The following PIH1D1 variants were observed in gnomAD, a reference collection of about 807,000 sequenced individuals.
The protein encoded by PIH1D1 is PIH1 domain containing 1.
PIH1D1 carries 28 observed loss-of-function variants against 38.5 expected under a neutral mutation model. That is an observed-to-expected ratio of 0.73 (90% CI 0.54 to 1.00). PIH1D1 has a LOEUF of 1.00. Ranked by LOEUF, PIH1D1 falls within the 50% of genes least tolerant of loss-of-function variation. The pLI is 0.00. For missense variants in PIH1D1, 343 were observed against 369.9 expected, an observed-to-expected ratio of 0.93 and a Z score of 0.60; for synonymous variants, 155 against 153.5, an observed-to-expected ratio of 1.01 and a Z score of -0.07.
rs1376534388 is a variant in PIH1D1, at chr19:49,450,765, C to T, written c.157+17G>A. 4.5e-6 allele frequency: 7 copies of T among 1,553,026 alleles called. No individual in the cohort carries two copies. The highest frequency in any genetic ancestry group is 5.3e-6 in the Non-Finnish European group (6 of 1,142,480). On this transcript the variant is annotated intron_variant, in intron 2 of 8. Coordinates refer to ENST00000262265, the MANE Select transcript of PIH1D1 (RefSeq NM_017916.3). ...CCCTGGGTCTCCTGTCCCTCTCTCT[C>T]CGGTGTCCTTTCTCACCAGGCTGAG...
chr19:49,447,621 T>C (rs1180993431), intron 5 of PIH1D1, 154 bp from the exon 6 acceptor site: 1 of 971,846 alleles, frequency 1.0e-6, no homozygotes, highest in Non-Finnish European at 1.5e-6. Flanking sequence ...CCCACCTTAG[T>C]CACGCCCCTC....
At position 49,446,396 on chromosome 19, in the gene PIH1D1, G is replaced by A; in HGVS notation, c.859C>T (p.Pro287Ser). 1 of 858,732 alleles carries A rather than the reference G, an allele frequency of 1.2e-6. No individual in the cohort carries two copies. The highest frequency in any genetic ancestry group is 1.7e-5 in the Admixed American group (1 of 59,116). The allele number at this position is 858,732 out of a possible 1,614,324, so 53.2% of individuals were successfully genotyped here. The change falls in exon 9 of 9, where the codon CCG (proline) becomes TCG (serine). Residue 287 changes from proline to serine, a missense_variant. Coordinates refer to ENST00000262265, the MANE Select transcript of PIH1D1 (RefSeq NM_017916.3). Reference sequence around the variant, plus strand: ...AGACACCCTGATCAAGAAGGCACCGGCAGAAGCGGCATGGCCACCATTAAT... The same window carrying A: ...AGACACCCTGATCAAGAAGGCACCGACAGAAGCGGCATGGCCACCATTAAT... The part of the protein sequence containing the change: ...KQLMVAMPLL[P>S]VPS
At chr19:49,447,662 G>T in intron 5 of PIH1D1, 165 bp downstream of exon 5, 1 of 936,474 alleles carries the variant, frequency 1.1e-6, no homozygotes, top group Non-Finnish European at 1.6e-6. Context: ...ACCCACCCCT[G>T]GAGATGTTCC....
In PIH1D1 at chr19:49,451,791, CGTCCTACGTGCCGAACT is replaced by C; in HGVS notation, c.-234_-218del. 1 of 1,354,174 alleles carries C rather than the reference CGTCCTACGTGCCGAACT, an allele frequency of 7.4e-7. No individual in the cohort carries two copies. Among genetic ancestry groups the C allele is most frequent in the Non-Finnish European group, 9.6e-7 (1 of 1,042,380 alleles). 83.9% of individuals were successfully genotyped at this position (1,354,174 alleles called of 1,614,324 possible). A position where few individuals can be genotyped will look rare whatever the true frequency, so the allele number is the denominator to read the frequency against. On this transcript the variant is annotated 5_prime_UTR_variant, in exon 1 of 9. Transcript: ENST00000262265. ...ATGTGTCTCTAGACGCACTACCCTC[CGTCCTACGTGCCGAACT>C]GTAAACGAAGCCACACTTCCGGTCT...
Position 49,447,816 on chromosome 19 carries a change from C to T in PIH1D1, c.481+11G>A, listed in dbSNP as rs773942498. The T allele has an allele frequency of 9.3e-6, 15 of 1,613,012 alleles. No homozygotes were observed. The highest frequency in any genetic ancestry group is 1.6e-4 in the Middle Eastern group (1 of 6,084). On this transcript the variant is annotated intron_variant, in intron 5 of 8. Coordinates refer to ENST00000262265, the MANE Select transcript of PIH1D1 (RefSeq NM_017916.3). Reference sequence around the variant, plus strand: ...CCACTCTTTCCCGAGGGCCCAGGACCTGCCCCTCACCCGGATTCAGCTGCA... The same window carrying T: ...CCACTCTTTCCCGAGGGCCCAGGACTTGCCCCTCACCCGGATTCAGCTGCA...
At chr19:49,449,775 C>G (rs1601003324) in intron 2 of PIH1D1, 121 bp from the exon 3 acceptor site, 1 of 718,390 alleles carries the variant, frequency 1.4e-6, no homozygotes, top group East Asian at 2.7e-5. Flanking sequence ...CCACTCCCCA[C>G]CCGAGATCCC....
intron 3 of PIH1D1, chr19:49,448,347 G>A (rs1311889899): frequency 4.2e-6 from 2 of 480,664 alleles, no homozygotes; most frequent in African/African-American, 3.9e-5. Flanking sequence ...GAAGGTCTGA[G>A]CCCCACAAGC....
chr19:49,446,512 G>T, intron 8 of PIH1D1, 39 bp downstream of exon 8: 1 of 1,605,832 alleles, frequency 6.2e-7, no homozygotes, highest in Non-Finnish European at 8.5e-7. Flanking sequence ...TCCAGGCCCC[G>T]CCAATGTCCC....
At chr19:49,450,204 C>T (rs185941168) in intron 2 of PIH1D1, among the ~76,000 whole-genome samples, 129 of 152,212 alleles carry the variant, frequency 8.5e-4, no homozygotes, top group African/African-American at 2.9e-3. Context: ...GAGCCTCCCA[C>T]CTCAGCCTCG....
Position 49,446,339 on chromosome 19 carries a change from C to A in PIH1D1, c.*43G>T, listed in dbSNP as rs1178237502. 2.5e-6 allele frequency: 2 copies of A among 785,236 alleles called. No individual in the cohort carries two copies. The highest frequency in any genetic ancestry group is 4.7e-6 in the Non-Finnish European group (2 of 422,054). 48.6% of individuals were successfully genotyped at this position (785,236 alleles called of 1,614,324 possible). On this transcript the variant is annotated 3_prime_UTR_variant, in exon 9 of 9. Coordinates refer to ENST00000262265, the MANE Select transcript of PIH1D1 (RefSeq NM_017916.3). ...TTATTTCAACTTTTAGGGAAGCCAG[C>A]AGCCTCTTCTCCACATCTCAGAAGC...
chr19:49,451,403 A>G lies in PIH1D1; in HGVS notation c.90+82T>C, dbSNP rs753195786. The G allele has an allele frequency of 4.4e-6, 7 of 1,591,288 alleles. No homozygotes were observed. In the African/African-American group the frequency reaches 6.7e-5, roughly 15 times the overall value. The stretch of plus-strand genomic sequence containing the variant: ...CGAGGCCTGGTTCCCGCCTTAGTGC[A>G]TTCTGGGAACTGCAGTCCCATCTTT... On this transcript the variant is annotated intron_variant, in intron 1 of 8. Transcript: ENST00000262265.
In PIH1D1 at chr19:49,449,564, T is replaced by C. The variant is rs1368092673; in HGVS notation, c.248A>G (p.Glu83Gly). 6 of 1,614,056 alleles carry C rather than the reference T, an allele frequency of 3.7e-6. No individual in the cohort carries two copies. Among genetic ancestry groups the C allele is most frequent in the Non-Finnish European group, 5.1e-6 (6 of 1,180,028 alleles). ...CTCTAGCATCTGAAGCAGCTCCTCC[T>C]CGGTCACGTCGGCGGGAGGAGGGAT... ...PSIPPPADVT[E>G]EELLQMLEED... The change falls in exon 3 of 9, where the codon GAG (glutamate) becomes GGG (glycine). Residue 83 changes from glutamate (E) to glycine (G), a missense_variant. Transcript: ENST00000262265.
In PIH1D1 at chr19:49,448,429, G is replaced by A; in HGVS notation, c.338-367C>T. On this transcript the variant is annotated intron_variant, in intron 3 of 8. Transcript: ENST00000262265. ...AGACCTCATTCTTCTAGCAACCTCG[G>A]CCCACTGAATTTCTTTCAGTCACTC... 9.8e-6 allele frequency: 3 copies of A among 306,330 alleles called. No individual in the cohort carries two copies. In the South Asian group the frequency reaches 1.1e-4, roughly 11 times the overall value. The allele number at this position is 306,330 out of a possible 1,614,324, so 19.0% of individuals were successfully genotyped here. A position where few individuals can be genotyped will look rare whatever the true frequency, so the allele number is the denominator to read the frequency against.
rs1334177549 is a variant in PIH1D1, at chr19:49,451,663, T to C, written c.-89A>G. ...CGAACCCCAGTGCCTGCTCTGGCCC[T>C]CAATCGACTCCGGATACCTACTATC... is the stretch of plus-strand genomic sequence containing the variant. On this transcript the variant is annotated 5_prime_UTR_variant, in exon 1 of 9. Transcript: ENST00000262265. 1.3e-6 allele frequency: 2 copies of C among 1,555,368 alleles called. No homozygotes were observed. The highest frequency in any genetic ancestry group is 1.4e-5 in the African/African-American group (1 of 73,038).
At position 49,449,794 on chromosome 19, in the gene PIH1D1, CTTTTTTT is replaced by C. The variant is rs61447252; in HGVS notation, c.158-147_158-141del. 7.7e-3 allele frequency: 3,810 copies of C among 497,418 alleles called. 1 individual carries two copies. The highest frequency in any genetic ancestry group is 0.012 in the Middle Eastern group (21 of 1,768). 30.8% of individuals were successfully genotyped at this position (497,418 alleles called of 1,614,324 possible). On this transcript the variant is annotated intron_variant, in intron 2 of 8. Transcript: ENST00000262265. ...TCCCCACCCGAGATCCCTCACTTCT[CTTTTTTT>C]TTTTTTTTTTTGAGACAGACTCTCA... is the stretch of plus-strand genomic sequence containing the variant.
intron 1 of PIH1D1, 147 bp from the exon 2 acceptor site, chr19:49,450,995 A>G (rs1330970847): frequency 3.6e-6 from 5 of 1,379,816 alleles, no homozygotes; most frequent in Middle Eastern, 1.9e-4. Flanking sequence ...TTTGAGAACT[A>G]GAAGAACAAC....
intron 3 of PIH1D1, 35 bp from the exon 4 acceptor site, chr19:49,448,097 C>A: frequency 1.2e-6 from 2 of 1,604,042 alleles, no homozygotes; most frequent in Non-Finnish European, 1.7e-6. Flanking sequence ...GACCCCCCAG[C>A]CCTCTGCAGG....
Position 49,451,666 on chromosome 19 carries a change from A to C in PIH1D1, c.-92T>G. The C allele has an allele frequency of 3.0e-5, 47 of 1,542,282 alleles. No homozygotes were observed. The highest frequency in any genetic ancestry group is 7.2e-5 in the East Asian group (3 of 41,746). On this transcript the variant is annotated 5_prime_UTR_variant, in exon 1 of 9. Coordinates refer to ENST00000262265, the MANE Select transcript of PIH1D1 (RefSeq NM_017916.3). ...ACCCCAGTGCCTGCTCTGGCCCTCA[A>C]TCGACTCCGGATACCTACTATCCTG... is the stretch of plus-strand genomic sequence containing the variant.
chr19:49,451,473 C>T lies in PIH1D1; in HGVS notation c.90+12G>A. 1 of 1,613,600 alleles carries T rather than the reference C, an allele frequency of 6.2e-7. No individual in the cohort carries two copies. Among genetic ancestry groups the T allele is most frequent in the Non-Finnish European group, 8.5e-7 (1 of 1,179,940 alleles). ...CCGAATACTCAAGGATCCAGGGGTCCGGTCACTGCACCTGCAGCAGCAGCT... is the reference window on the plus strand; with the variant it reads ...CCGAATACTCAAGGATCCAGGGGTCTGGTCACTGCACCTGCAGCAGCAGCT... On this transcript the variant is annotated intron_variant, in intron 1 of 8. Coordinates refer to ENST00000262265, the MANE Select transcript of PIH1D1 (RefSeq NM_017916.3).
Sources: allele counts gnomAD v4.1 joint callset (sites outside exome capture counted in the v4.1 genomes callset), GRCh38; gene constraint gnomAD v4.1.1; transcripts MANE v1.5; gene names NCBI Gene and HGNC (gene_info 2026-07-23, HGNC 2026-07-21).